Variants in CDCA2 observed in about 807,000 individuals in gnomAD.
The protein encoded by CDCA2 is cell division cycle associated 2.
Under a neutral mutation model 67.0 loss-of-function variants are expected in CDCA2, and 44 were observed. That is an observed-to-expected ratio of 0.66 (90% confidence interval 0.52 to 0.84). CDCA2 has a LOEUF of 0.84. CDCA2 is among the 40% of genes least tolerant of loss of function. The probability of loss-of-function intolerance (pLI) is 0.00; values close to 1 mark genes in which losing one functional copy is unlikely to be tolerated. For synonymous variants in CDCA2, 447 were observed against 418.7 expected, an observed-to-expected ratio of 1.07 and a Z score of -0.82; for missense variants, 1,253 against 1,203.2, an observed-to-expected ratio of 1.04 and a Z score of -0.61.
intron 10 of CDCA2, among the ~76,000 whole-genome samples, chr8:25,484,652 T>C (rs1285694192): frequency 2.0e-5 from 3 of 149,264 alleles, no homozygotes; most frequent in African/African-American, 5.0e-5. Flanking sequence ...AGTGCAGTGG[T>C]GCGGTCATGG....
intron 7 of CDCA2, 33 bp downstream of exon 7, chr8:25,470,013 G>T (rs368609661): frequency 3.6e-6 from 5 of 1,383,512 alleles, no homozygotes; most frequent in Non-Finnish European, 5.1e-6. Flanking sequence ...ATGGCCAGTT[G>T]CCCGATTCAT....
chr8:25,477,816 C>T (rs981940728), intron 7 of CDCA2, among the ~76,000 whole-genome samples: 12 of 152,118 alleles, frequency 7.9e-5, no homozygotes, highest in Admixed American at 6.6e-4. Flanking sequence ...TGATTTTTTC[C>T]TTCACCAACC....
intron 14 of CDCA2, among the ~76,000 whole-genome samples, chr8:25,505,448 G>T (rs1288362398): frequency 6.6e-6 from 1 of 152,100 alleles, no homozygotes; most frequent in Non-Finnish European, 1.5e-5. Context: ...TAATCCACCT[G>T]CCTCGGCCTC....
In CDCA2 at chr8:25,488,639, A is replaced by C; in HGVS notation, c.1621A>C (p.Lys541Gln). 1 of 1,612,940 alleles carries C rather than the reference A, an allele frequency of 6.2e-7. No homozygotes were observed. Among genetic ancestry groups the C allele is most frequent in the Non-Finnish European group, 8.5e-7 (1 of 1,179,634 alleles). The change falls in exon 13 of 15, where the codon AAG becomes CAG. Residue 541 changes from lysine to glutamine, a missense_variant. Transcript: ENST00000330560. ...PCKEKKINRR[K>Q]SQETKCTKRA... is the part of the protein sequence containing the mutation. ...TAAAGAAAAGAAAATTAATAGGAGG[A>C]AGTCTCAAGAAACAAAGTGTACAAA...
At chr8:25,462,017 T>A in intron 3 of CDCA2, 37 bp from the exon 4 acceptor site, 9 of 1,593,778 alleles carry the variant, frequency 5.6e-6, no homozygotes, top group Non-Finnish European at 7.7e-6. Flanking sequence ...GATGATTGCC[T>A]TGTTTTGTTC....
chr8:25,468,808 G>A (rs1484009754), intron 6 of CDCA2, among the ~76,000 whole-genome samples: 1 of 152,138 alleles, frequency 6.6e-6, no homozygotes, highest in Admixed American at 6.5e-5. Context: ...AGTGGAGCTG[G>A]TGGATCAGGT....
At chr8:25,495,100 A>T (rs956108732) in intron 13 of CDCA2, among the ~76,000 whole-genome samples, 3 of 152,212 alleles carry the variant, frequency 2.0e-5, no homozygotes, top group Admixed American at 2.0e-4. Context: ...CTAAGAAAGT[A>T]GAGTACACAT....
At chr8:25,501,855 T>A (rs190369613) in intron 13 of CDCA2, among the ~76,000 whole-genome samples, 2 of 152,308 alleles carry the variant, frequency 1.3e-5, no homozygotes. Flanking sequence ...TCAATAAATG[T>A]GTGAATGAAT....
chr8:25,479,805 G>C, intron 7 of CDCA2, 108 bp from the exon 8 acceptor site: 2 of 1,028,156 alleles, frequency 1.9e-6, no homozygotes, highest in South Asian at 3.0e-5. Flanking sequence ...TATTAGGTTT[G>C]AATTTCTTCA....
chr8:25,464,362 G>C (rs1290093109), intron 4 of CDCA2, among the ~76,000 whole-genome samples: 3 of 152,210 alleles, frequency 2.0e-5, no homozygotes, highest in Non-Finnish European at 2.9e-5. Context: ...GCTGCAGTGA[G>C]CTGTGATTGT....
intron 3 of CDCA2, 110 bp downstream of exon 3, chr8:25,460,664 G>A (rs1031850722): frequency 8.9e-7 from 1 of 1,125,462 alleles, no homozygotes; most frequent in Non-Finnish European, 1.2e-6. Context: ...TACCTAAATT[G>A]CCTACTCTGC....
chr8:25,499,229 A>G (rs1804370542), intron 13 of CDCA2, among the ~76,000 whole-genome samples: 1 of 151,330 alleles, frequency 6.6e-6, no homozygotes, highest in Non-Finnish European at 1.5e-5. Context: ...CACCAGGGGC[A>G]GGCAAGTGTG....
At chr8:25,478,777 ACTCT>A (rs1371862213) in intron 7 of CDCA2, among the ~76,000 whole-genome samples, 10 of 150,566 alleles carry the variant, frequency 6.6e-5, no homozygotes, top group Admixed American at 6.6e-4. Context: ...CTGCTCAGGA[ACTCT>A]CTGTTTACCC....
At position 25,507,619 on chromosome 8, in the gene CDCA2, A is replaced by G. The variant is rs1460670032; in HGVS notation, c.2953A>G (p.Asn985Asp). 3.1e-6 allele frequency: 5 copies of G among 1,614,194 alleles called. No individual in the cohort carries two copies. The Admixed American group carries it at 5.0e-5, about 16-fold the overall frequency. ...RKSFCISTLANTKATSQFKGY... is the reference protein window; with the variant it reads ...RKSFCISTLADTKATSQFKGY... The stretch of plus-strand genomic sequence containing the variant: ...GAGCTTTTGTATATCTACACTTGCA[A>G]ATACTAAAGCCACTTCCCAGTTCAA... Residue 985 changes from asparagine to aspartate, a missense_variant, in exon 15 of 15, where the codon AAT becomes GAT. Coordinates refer to ENST00000330560, the MANE Select transcript of CDCA2 (RefSeq NM_152562.4).
At chr8:25,462,248 T>C (rs766390345) in intron 4 of CDCA2, 40 bp downstream of exon 4, 16 of 1,598,564 alleles carry the variant, frequency 1.0e-5, no homozygotes, top group Middle Eastern at 1.7e-4. Context: ...ATTCCGTTAA[T>C]GAAGCTTTTG....
rs1297917217 is a variant in CDCA2 at position 25,462,048 on chromosome 8, T to C, written c.233-6T>C. 3.1e-6 allele frequency: 5 copies of C among 1,611,822 alleles called. No individual in the cohort carries two copies. The highest frequency in any genetic ancestry group is 3.4e-6 in the Non-Finnish European group (4 of 1,178,152). On this transcript the variant is annotated splice_polypyrimidine_tract_variant and splice_region_variant and intron_variant, in intron 3 of 14. Transcript: ENST00000330560. ...TGTTCCAATTTATAAGAGAGTTTCA[T>C]TACAGGAAAGTCATCATCCTACCTT...
At chr8:25,478,828 A>C (rs1487338275) in intron 7 of CDCA2, among the ~76,000 whole-genome samples, 2 of 150,694 alleles carry the variant, frequency 1.3e-5, no homozygotes, top group Non-Finnish European at 2.9e-5. Context: ...ATCATACTGT[A>C]TTCCTCTCTT....
intron 5 of CDCA2, 86 bp from the exon 6 acceptor site, chr8:25,468,131 A>AG: frequency 5.7e-6 from 3 of 522,512 alleles, no homozygotes; most frequent in Non-Finnish European, 7.9e-6. Context: ...AAAAAAAAAA[A>AG]AAAAAAAAGA....
At chr8:25,484,244 A>G (rs778153876) in intron 10 of CDCA2, 34 bp downstream of exon 10, 8 of 1,605,530 alleles carry the variant, frequency 5.0e-6, no homozygotes, top group African/African-American at 4.0e-5. Context: ...AGCTTGCCAT[A>G]TGTATTTTCA....
Sources: allele counts gnomAD v4.1 joint callset (sites outside exome capture counted in the v4.1 genomes callset), GRCh38; gene constraint gnomAD v4.1.1; transcripts MANE v1.5; gene names NCBI Gene and HGNC (gene_info 2026-07-23, HGNC 2026-07-21).